PCDHGB3: variants seen among roughly 807,000 people sequenced by gnomAD.
PCDHGB3 encodes the protein protocadherin gamma subfamily B, 3, also known as protocadherin gamma-B3.
In PCDHGB3, 40 loss-of-function variants were observed where a neutral mutation model predicts 59.2. The observed-to-expected ratio is 0.68, with a 90% confidence interval of 0.52 to 0.88. The LOEUF (loss-of-function observed/expected upper bound fraction) is 0.88. PCDHGB3 is among the 40% of genes least tolerant of loss of function. The pLI is 0.00. For synonymous variants in PCDHGB3, 581 were observed against 503.6 expected, an observed-to-expected ratio of 1.15 and a Z score of -2.06; for missense variants, 1,309 against 1,187.9, an observed-to-expected ratio of 1.10 and a Z score of -1.50.
chr5:141,492,078 C>T (rs948391194), intron 1 of PCDHGB3: 4 of 483,290 alleles, frequency 8.3e-6, no homozygotes, highest in African/African-American at 2.0e-5. Flanking sequence ...GCGCCGGCTC[C>T]GGCACGCTTC....
At chr5:141,385,152 G>C in intron 1 of PCDHGB3, 1 of 1,614,210 alleles carries the variant, frequency 6.2e-7, no homozygotes, top group Non-Finnish European at 8.5e-7. Flanking sequence ...CTTTCCTGCA[G>C]ACCTATTCCC....
chr5:141,383,003 T>G, intron 1 of PCDHGB3: 2 of 1,613,734 alleles, frequency 1.2e-6, no homozygotes, highest in Non-Finnish European at 1.7e-6. Flanking sequence ...CTCTACTCCG[T>G]GTCGGAGGAG....
At chr5:141,395,099 C>A (rs1337134243) in intron 1 of PCDHGB3, 1 of 1,614,228 alleles carries the variant, frequency 6.2e-7, no homozygotes. Flanking sequence ...TCACCGCCGA[C>A]TCGCGGAAGA....
intron 1 of PCDHGB3, among the ~76,000 whole-genome samples, chr5:141,463,861 A>G (rs1308802167): frequency 1.3e-5 from 2 of 152,340 alleles, no homozygotes; most frequent in East Asian, 1.9e-4. Context: ...ATCTGGTTTC[A>G]CATGACTGAA....
intron 1 of PCDHGB3, among the ~76,000 whole-genome samples, chr5:141,450,259 C>A (rs1243327669): frequency 6.6e-6 from 1 of 152,118 alleles, no homozygotes; most frequent in East Asian, 1.9e-4. Context: ...CTCAAGTGAT[C>A]TGCCCACCTC....
In PCDHGB3 at chr5:141,383,993, T is replaced by G. The variant is rs1779669421; in HGVS notation, c.2415+11184T>G. The G allele has an allele frequency of 3.7e-6, 6 of 1,613,872 alleles. No individual in the cohort carries two copies. The highest frequency in any genetic ancestry group is 1.6e-4 in the Middle Eastern group (1 of 6,062). ...CCTGAAGACACACCTCTTGGGACAG[T>G]CATTGCTCTTTTCTACCTACAAGAC... On this transcript the variant is annotated intron_variant, in intron 1 of 3. Transcript: ENST00000576222.
intron 1 of PCDHGB3, among the ~76,000 whole-genome samples, chr5:141,483,725 C>T (rs903001715): frequency 1.3e-5 from 2 of 152,008 alleles, no homozygotes; most frequent in Non-Finnish European, 1.5e-5. Context: ...TGGTTCCCAC[C>T]ATAGTCAAAA....
intron 1 of PCDHGB3, among the ~76,000 whole-genome samples, chr5:141,448,728 C>T (rs575604763): frequency 6.6e-6 from 1 of 151,986 alleles, no homozygotes; most frequent in Non-Finnish European, 1.5e-5. Context: ...ATCACGAGGT[C>T]AGGAGATCGA....
intron 1 of PCDHGB3, chr5:141,423,380 G>A: frequency 6.2e-7 from 1 of 1,614,178 alleles, no homozygotes; most frequent in Non-Finnish European, 8.5e-7. Context: ...CTCAGGCTGT[G>A]GCGCTGGCAT....
At chr5:141,407,385 T>A (rs1306044111) in intron 1 of PCDHGB3, among the ~76,000 whole-genome samples, 1 of 152,228 alleles carries the variant, frequency 6.6e-6, no homozygotes, top group South Asian at 2.1e-4. Flanking sequence ...GGCTTGTATG[T>A]CATGGTAGGT....
intron 1 of PCDHGB3, chr5:141,419,828 AC>A (rs1189387492): frequency 6.2e-7 from 1 of 1,614,022 alleles, no homozygotes; most frequent in Non-Finnish European, 8.5e-7. Flanking sequence ...CCTTTCAGCC[AC>A]TGCCACGCTG....
At chr5:141,494,972 C>A in intron 2 of PCDHGB3, 107 bp downstream of exon 2, 1 of 1,581,852 alleles carries the variant, frequency 6.3e-7, no homozygotes, top group South Asian at 1.1e-5. Flanking sequence ...TGGCTTCTCC[C>A]TCAGTTTGAG....
At position 141,388,118 on chromosome 5, in the gene PCDHGB3, C is replaced by A. The variant is rs771996326; in HGVS notation, c.2415+15309C>A. The A allele has an allele frequency of 1.1e-5, 15 of 1,412,700 alleles. No homozygotes were observed. In the Admixed American group the frequency reaches 3.0e-4, roughly 28 times the overall value. The allele number at this position is 1,412,700 out of a possible 1,614,324, so 87.5% of individuals were successfully genotyped here. A position where few individuals can be genotyped will look rare whatever the true frequency, so the allele number is the denominator to read the frequency against. On this transcript the variant is annotated intron_variant, in intron 1 of 3. Coordinates refer to ENST00000576222, the MANE Select transcript of PCDHGB3 (RefSeq NM_018924.5). ...CGGAGAAGCCTTACTTCACCGTGAG[C>A]GCAGAGAGCGGGGAGTTGCTTGTGA...
intron 1 of PCDHGB3, chr5:141,419,479 C>T (rs764891283): frequency 6.2e-7 from 1 of 1,612,390 alleles, no homozygotes; most frequent in Non-Finnish European, 8.5e-7. Context: ...AGGGCTCGCC[C>T]GCGCTCAGCG....
At chr5:141,422,782 C>CG in intron 1 of PCDHGB3, 1 of 1,614,090 alleles carries the variant, frequency 6.2e-7, no homozygotes, top group South Asian at 1.1e-5. Context: ...CTATGCCCTA[C>CG]AATCCTTCGA....
At chr5:141,421,434 C>T (rs1247535353) in intron 1 of PCDHGB3, 1 of 1,613,980 alleles carries the variant, frequency 6.2e-7, no homozygotes, top group Non-Finnish European at 8.5e-7. Context: ...GCATCGTCTC[C>T]AGAGGGAAGA....
chr5:141,400,217 T>G, intron 1 of PCDHGB3: 1 of 1,614,034 alleles, frequency 6.2e-7, no homozygotes, highest in Non-Finnish European at 8.5e-7. Context: ...TTGATCTCAG[T>G]GCTCTTCCTC....
intron 1 of PCDHGB3, among the ~76,000 whole-genome samples, chr5:141,469,716 A>G (rs1189597018): frequency 3.9e-5 from 6 of 152,260 alleles, no homozygotes; most frequent in African/African-American, 1.4e-4. Context: ...CACTATTAGG[A>G]ATTTATCATA....
intron 1 of PCDHGB3, chr5:141,409,314 C>G: frequency 1.9e-6 from 3 of 1,613,878 alleles, no homozygotes; most frequent in Non-Finnish European, 2.5e-6. Flanking sequence ...CTCTTCAAAA[C>G]ACGGGATCTG....
Sources: allele counts gnomAD v4.1 joint callset (sites outside exome capture counted in the v4.1 genomes callset), GRCh38; gene constraint gnomAD v4.1.1; transcripts MANE v1.5; gene names NCBI Gene and HGNC (gene_info 2026-07-23, HGNC 2026-07-21).